MAPKAP1: variants seen among roughly 807,000 people sequenced by gnomAD.
The protein encoded by MAPKAP1 is target of rapamycin complex 2 subunit MAPKAP1.
Under a neutral mutation model 65.7 loss-of-function variants are expected in MAPKAP1, and 20 were observed. The observed-to-expected ratio is 0.30, with a 90% CI of 0.21 to 0.44. The LOEUF is 0.44. MAPKAP1 is among the 20% of genes least tolerant of loss of function. The pLI is 1.00. For synonymous variants in MAPKAP1, 222 were observed against 244.3 expected, an observed-to-expected ratio of 0.91 and a Z score of 0.85; for missense variants, 423 against 648.0, an observed-to-expected ratio of 0.65 and a Z score of 3.77.
At chr9:125,591,586 T>C (rs1208001027) in intron 4 of MAPKAP1, among the ~76,000 whole-genome samples, 2 of 152,224 alleles carry the variant, frequency 1.3e-5, no homozygotes, top group African/African-American at 4.8e-5. Flanking sequence ...TGAAGCACTT[T>C]ATCTTTTTAA....
intron 6 of MAPKAP1, among the ~76,000 whole-genome samples, chr9:125,553,839 C>A (rs562034173): frequency 6.6e-6 from 1 of 152,198 alleles, no homozygotes; most frequent in Admixed American, 6.5e-5. Flanking sequence ...GAGTTTGAGA[C>A]CAGCCTGGGC....
At chr9:125,462,760 A>C (rs1853546213) in intron 10 of MAPKAP1, among the ~76,000 whole-genome samples, 1 of 152,220 alleles carries the variant, frequency 6.6e-6, no homozygotes, top group Non-Finnish European at 1.5e-5. Flanking sequence ...TAATCTAGGA[A>C]AACTGGATAC....
intron 7 of MAPKAP1, among the ~76,000 whole-genome samples, chr9:125,542,283 G>A (rs1010258187): frequency 6.6e-6 from 1 of 152,164 alleles, no homozygotes; most frequent in African/African-American, 2.4e-5. Context: ...CTTAAAAAGA[G>A]CACAAAACTA....
chr9:125,643,984 T>C (rs1293497703), intron 4 of MAPKAP1, among the ~76,000 whole-genome samples: 2 of 152,180 alleles, frequency 1.3e-5, no homozygotes, highest in Non-Finnish European at 2.9e-5. Flanking sequence ...ATCAACTGGA[T>C]AGGTAGCCAG....
At chr9:125,533,975 A>G (rs889153816) in intron 7 of MAPKAP1, among the ~76,000 whole-genome samples, 1 of 152,224 alleles carries the variant, frequency 6.6e-6, no homozygotes, top group African/African-American at 2.4e-5. Context: ...ATGTGTGGTC[A>G]CTCTAATATA....
intron 7 of MAPKAP1, among the ~76,000 whole-genome samples, chr9:125,528,123 G>A (rs745476076): frequency 1.3e-4 from 20 of 152,210 alleles, no homozygotes; most frequent in Non-Finnish European, 2.5e-4. Flanking sequence ...AGCTTTCACT[G>A]TACTCAAGGA....
chr9:125,530,894 T>C (rs1241767966), intron 7 of MAPKAP1, among the ~76,000 whole-genome samples: 1 of 152,228 alleles, frequency 6.6e-6, no homozygotes, highest in East Asian at 1.9e-4. Context: ...GCAATAGGGA[T>C]GATGGCAGCT....
chr9:125,642,205 G>GA (rs536940746), intron 4 of MAPKAP1, among the ~76,000 whole-genome samples: 172 of 100,630 alleles, frequency 1.7e-3, no homozygotes, highest in Admixed American at 4.6e-3. Flanking sequence ...ACTGTCTCAA[G>GA]AAAAAAAAAA....
chr9:125,690,332 A>G (rs1307683920), intron 1 of MAPKAP1, among the ~76,000 whole-genome samples: 2 of 152,250 alleles, frequency 1.3e-5, no homozygotes, highest in Non-Finnish European at 2.9e-5. Flanking sequence ...GCCATGTGTG[A>G]GTTATTGCAG....
In MAPKAP1 at chr9:125,490,683, A is replaced by AT. The variant is rs527405594; in HGVS notation, c.1067-6101dup. On this transcript the variant is annotated intron_variant, in intron 8 of 11. Coordinates refer to ENST00000265960, the MANE Select transcript of MAPKAP1 (RefSeq NM_001006617.3). ...AAATATTCTTCCCTTTTTCAACAAC[A>AT]TATCTGTGTCAGGCCAAATTTTCTT... Among the ~76,000 whole-genome samples the AT allele has an allele frequency of 5.9e-4, 90 of 152,324 alleles. 1 individual carries two copies. The highest frequency in any genetic ancestry group is 2.0e-3 in the African/African-American group (84 of 41,566).
intron 11 of MAPKAP1, among the ~76,000 whole-genome samples, chr9:125,440,170 G>A (rs1453860418): frequency 6.6e-6 from 1 of 152,220 alleles, no homozygotes; most frequent in African/African-American, 2.4e-5. Flanking sequence ...GGCAGCAGCA[G>A]TGTGAAATCA....
chr9:125,529,177 G>GA (rs764136309), intron 7 of MAPKAP1, among the ~76,000 whole-genome samples: 5,676 of 99,570 alleles, frequency 0.057, 288 homozygotes, highest in African/African-American at 0.17. Context: ...TCTATCTCAG[G>GA]AAAAAAAAAA....
chr9:125,703,946 G>A (rs575874492), intron 1 of MAPKAP1, among the ~76,000 whole-genome samples: 20 of 152,210 alleles, frequency 1.3e-4, no homozygotes, highest in Non-Finnish European at 2.6e-4. Context: ...AAGTCTTCAG[G>A]TATAAGTCAA....
At chr9:125,503,880 CTTTTTTTTTTTTT>C (rs35867576) in intron 8 of MAPKAP1, among the ~76,000 whole-genome samples, 5 of 66,248 alleles carry the variant, frequency 7.5e-5, no homozygotes, top group Admixed American at 2.0e-4. Context: ...CCACGCTTGG[CTTTTTTTTTTTTT>C]TTTTTTTTTT....
chr9:125,697,291 T>C (rs73667034), intron 1 of MAPKAP1, among the ~76,000 whole-genome samples: 4,060 of 152,352 alleles, frequency 0.027, 185 homozygotes, highest in African/African-American at 0.093. Context: ...GTTAAAATGA[T>C]GGTCACTGAC....
At chr9:125,568,989 T>C (rs548650735) in intron 5 of MAPKAP1, 35 of 176,288 alleles carry the variant, frequency 2.0e-4, no homozygotes, top group Middle Eastern at 4.7e-3. Context: ...AGGCTAGTCT[T>C]AAGCTGGTGT....
At chr9:125,535,391 C>T (rs1266091451) in intron 7 of MAPKAP1, among the ~76,000 whole-genome samples, 1 of 152,130 alleles carries the variant, frequency 6.6e-6, no homozygotes, top group East Asian at 1.9e-4. Flanking sequence ...GACAATTTAC[C>T]ACATTTTAAT....
At chr9:125,696,971 G>A (rs1287988250) in intron 1 of MAPKAP1, among the ~76,000 whole-genome samples, 1 of 152,166 alleles carries the variant, frequency 6.6e-6, no homozygotes, top group Non-Finnish European at 1.5e-5. Flanking sequence ...ACTCCACAGA[G>A]ATAGGAGTGG....
intron 7 of MAPKAP1, among the ~76,000 whole-genome samples, chr9:125,537,435 C>T (rs1830105732): frequency 6.6e-6 from 1 of 152,194 alleles, no homozygotes; most frequent in Admixed American, 6.5e-5. Context: ...GGAAGGGGTC[C>T]TCCTTTTGGA....
Sources: gnomAD v4.1 joint callset for allele counts (sites outside exome capture counted in the v4.1 genomes callset) on GRCh38, gnomAD v4.1.1 for gene constraint, MANE v1.5 for transcripts, NCBI Gene and HGNC (gene_info 2026-07-23, HGNC 2026-07-21) for gene names.